Variants in XXYLT1 observed in about 807,000 individuals in gnomAD.
XXYLT1 encodes xyloside xylosyltransferase 1, also known as UDP-xylose:alpha-xyloside alpha-1,3-xylosyltransferase.
A neutral mutation model predicts 28.9 loss-of-function variants in XXYLT1; 20 were observed. That is an observed-to-expected ratio of 0.69 (90% CI 0.49 to 1.00). The LOEUF (loss-of-function observed/expected upper bound fraction) is 1.00. Ranked by LOEUF, XXYLT1 falls within the 50% of genes least tolerant of loss-of-function variation. The probability of loss-of-function intolerance (pLI) is 0.00; values close to 1 mark genes in which losing one functional copy is unlikely to be tolerated. For missense variants in XXYLT1, 542 were observed against 560.1 expected, an observed-to-expected ratio of 0.97 and a Z score of 0.33; for synonymous variants, 257 against 253.8, an observed-to-expected ratio of 1.01 and a Z score of -0.12.
In XXYLT1 at chr3:195,069,544, G is replaced by T; in HGVS notation, c.*171C>A. 1 of 913,462 alleles carries T rather than the reference G, an allele frequency of 1.1e-6. No homozygotes were observed. 56.6% of individuals were successfully genotyped at this position (913,462 alleles called of 1,614,324 possible). ...ACCAGCAGTGCACAGGCCAGTCCTT[G>T]GCGGGTGGCCTCAGCACAGTGACCT... On this transcript the variant is annotated 3_prime_UTR_variant, in exon 4 of 4. Coordinates refer to ENST00000310380, the MANE Select transcript of XXYLT1 (RefSeq NM_152531.5).
At chr3:195,222,703 A>T (rs1723881040) in intron 2 of XXYLT1, among the ~76,000 whole-genome samples, 1 of 152,182 alleles carries the variant, frequency 6.6e-6, no homozygotes, top group African/African-American at 2.4e-5. Flanking sequence ...CATTCAAAAA[A>T]TTTTCAAAGA....
At chr3:195,122,263 T>C (rs765500420) in intron 3 of XXYLT1, 2 of 679,330 alleles carry the variant, frequency 2.9e-6, no homozygotes, top group Non-Finnish European at 5.4e-6. Flanking sequence ...TTTCAACACA[T>C]GAATTTTGGG....
intron 3 of XXYLT1, among the ~76,000 whole-genome samples, chr3:195,145,167 G>A (rs563154395): frequency 2.6e-5 from 4 of 152,216 alleles, no homozygotes; most frequent in Non-Finnish European, 5.9e-5. Flanking sequence ...TAGCAGCAAA[G>A]GAAAGGATTT....
chr3:195,158,617 G>T (rs956744784), intron 2 of XXYLT1, among the ~76,000 whole-genome samples: 1 of 152,312 alleles, frequency 6.6e-6, no homozygotes, highest in Non-Finnish European at 1.5e-5. Flanking sequence ...GAGGTCCACC[G>T]ACTAGGAAGG....
intron 1 of XXYLT1, chr3:195,270,274 G>C: frequency 1.6e-6 from 1 of 639,340 alleles, no homozygotes; most frequent in African/African-American, 1.9e-5. Context: ...GCAAAATGGG[G>C]GCGCGCGGAC....
intron 3 of XXYLT1, among the ~76,000 whole-genome samples, chr3:195,111,842 A>T (rs1372322728): frequency 6.6e-6 from 1 of 152,214 alleles, no homozygotes; most frequent in Non-Finnish European, 1.5e-5. Flanking sequence ...ACTCAACTTA[A>T]AGATTTAAAA....
chr3:195,225,707 C>T (rs1307153611), intron 2 of XXYLT1, among the ~76,000 whole-genome samples: 1 of 152,026 alleles, frequency 6.6e-6, no homozygotes, highest in Non-Finnish European at 1.5e-5. Context: ...AATTGTAGTT[C>T]CCATAATCCC....
At chr3:195,205,707 A>G (rs1723041859) in intron 2 of XXYLT1, among the ~76,000 whole-genome samples, 1 of 152,198 alleles carries the variant, frequency 6.6e-6, no homozygotes. Flanking sequence ...TACTAAAAAT[A>G]CAAAAATTAG....
At chr3:195,101,785 A>AC (rs1252678462) in intron 3 of XXYLT1, among the ~76,000 whole-genome samples, 1 of 143,136 alleles carries the variant, frequency 7.0e-6, no homozygotes, top group Non-Finnish European at 1.5e-5. Flanking sequence ...ATGTAGCGAG[A>AC]CCCTATCTCT....
At chr3:195,143,843 G>GATATATATATCTATATATATCT (rs1719661693) in intron 3 of XXYLT1, among the ~76,000 whole-genome samples, 1 of 89,408 alleles carries the variant, frequency 1.1e-5, no homozygotes, top group African/African-American at 4.5e-5. Context: ...TATAGATATA[G>GATATATATATCTATATATATCT]ATATATATAT....
intron 2 of XXYLT1, among the ~76,000 whole-genome samples, chr3:195,213,205 C>A (rs936252449): frequency 7.2e-5 from 11 of 152,008 alleles, no homozygotes; most frequent in African/African-American, 2.7e-4. Context: ...CGCATCCCAA[C>A]AGAGAGCTAC....
intron 3 of XXYLT1, among the ~76,000 whole-genome samples, chr3:195,142,496 G>A (rs1719544394): frequency 6.6e-6 from 1 of 152,308 alleles, no homozygotes; most frequent in South Asian, 2.1e-4. Context: ...CCGTAAGCCT[G>A]CTGTAGGTGT....
intron 3 of XXYLT1, among the ~76,000 whole-genome samples, chr3:195,144,187 C>T (rs1233024325): frequency 6.6e-6 from 1 of 150,404 alleles, no homozygotes; most frequent in African/African-American, 2.4e-5. Context: ...AGCCACCGTG[C>T]CTGGCCAACC....
intron 1 of XXYLT1, among the ~76,000 whole-genome samples, chr3:195,252,692 C>CCACACACACACACA (rs774827660): frequency 1.3e-3 from 109 of 84,184 alleles, no homozygotes; most frequent in East Asian, 8.0e-3. Context: ...AGAAAAAAAA[C>CCACACACACACACA]CACACACACA....
At position 195,180,293 on chromosome 3, in the gene XXYLT1, T is replaced by C. The variant is rs1405912012; in HGVS notation, c.653-23712A>G. The C allele has an allele frequency of 1.0e-6, 1 of 982,752 alleles. No individual in the cohort carries two copies. The highest frequency in any genetic ancestry group is 6.2e-5 in the Admixed American group (1 of 16,260). The allele number at this position is 982,752 out of a possible 1,614,324, so 60.9% of individuals were successfully genotyped here. On this transcript the variant is annotated intron_variant, in intron 2 of 3. Transcript: ENST00000310380. This position sits in a 1 kb window ranked among gnomAD's most constrained non-coding sequence, Gnocchi z 5.8. Reference sequence around the variant, plus strand: ...GTCCCCCAGTTACAGGAAAGGTCCCTTCCATCCTGGGGACCCAACTCATGA... The same window carrying C: ...GTCCCCCAGTTACAGGAAAGGTCCCCTCCATCCTGGGGACCCAACTCATGA...
intron 2 of XXYLT1, among the ~76,000 whole-genome samples, chr3:195,182,392 C>T (rs1278369868): frequency 6.6e-6 from 1 of 152,216 alleles, no homozygotes; most frequent in East Asian, 1.9e-4. Flanking sequence ...TGAAAGTAAT[C>T]ATAGTAGCTT....
intron 2 of XXYLT1, among the ~76,000 whole-genome samples, chr3:195,187,966 C>T (rs893647952): frequency 6.6e-6 from 1 of 152,080 alleles, no homozygotes; most frequent in South Asian, 2.1e-4. Context: ...AAAGTCTCTA[C>T]AAAAGAAAGC....
At chr3:195,088,243 A>C (rs981897029) in intron 3 of XXYLT1, among the ~76,000 whole-genome samples, 6 of 151,342 alleles carry the variant, frequency 4.0e-5, no homozygotes, top group African/African-American at 7.3e-5. Context: ...GGCACAGACA[A>C]ACAAAAAGAC....
intron 2 of XXYLT1, among the ~76,000 whole-genome samples, chr3:195,163,312 C>G (rs1161693297): frequency 6.6e-6 from 1 of 152,178 alleles, no homozygotes; most frequent in Non-Finnish European, 1.5e-5. Context: ...CCACTCTCTC[C>G]CTCTTGAGTG....
Sources: allele counts gnomAD v4.1 joint callset (sites outside exome capture counted in the v4.1 genomes callset), GRCh38; gene constraint gnomAD v4.1.1; non-coding constraint Gnocchi (gnomAD v3.1); transcripts MANE v1.5; gene names NCBI Gene and HGNC (gene_info 2026-07-23, HGNC 2026-07-21).